The following GNG2 variants were observed in gnomAD, a reference collection of about 807,000 sequenced individuals.
The protein encoded by GNG2 is G protein subunit gamma 2, also known as guanine nucleotide-binding protein G(I)/G(S)/G(O) subunit gamma-2.
GNG2 carries 5 observed loss-of-function variants against 5.5 expected under a neutral mutation model. The ratio of observed to expected loss-of-function variants is 0.91; its 90% CI spans 0.48 to 1.92. The LOEUF (loss-of-function observed/expected upper bound fraction) is 1.92, where lower values mean the gene tolerates loss of function less well. GNG2 is among the 30% of genes most tolerant of loss of function. The pLI is 0.01. For missense variants in GNG2, 55 were observed against 88.4 expected (o/e 0.62, Z 1.52); for synonymous variants, 28 against 32.0 (o/e 0.88, Z 0.42).
At chr14:51,880,967 G>GAAAAAAAAAAAAAAAAA (rs11463019) in intron 2 of GNG2, among the ~76,000 whole-genome samples, 4 of 101,984 alleles carry the variant, frequency 3.9e-5, no homozygotes, top group Admixed American at 1.1e-4. Flanking sequence ...CAAAAAAAAA[G>GAAAAAAAAAAAAAAAAA]AAAAAAAAAA....
intron 1 of GNG2, among the ~76,000 whole-genome samples, chr14:51,877,118 T>G (rs12889322): frequency 0.1 from 15,765 of 152,116 alleles, 1,460 homozygotes; most frequent in African/African-American, 0.25. Context: ...GATACTCTTA[T>G]AACCACCAAC....
At chr14:51,947,854 G>A (rs1888730453) in intron 2 of GNG2, among the ~76,000 whole-genome samples, 2 of 152,172 alleles carry the variant, frequency 1.3e-5, no homozygotes, top group Admixed American at 6.5e-5. Flanking sequence ...TCAGTTAATA[G>A]CAGGTCTGTT....
At chr14:51,907,150 C>T (rs530707344) in intron 2 of GNG2, among the ~76,000 whole-genome samples, 13 of 152,264 alleles carry the variant, frequency 8.5e-5, no homozygotes, top group African/African-American at 3.1e-4. Context: ...AGGCTGACAG[C>T]CACTGCCAAG....
chr14:51,921,966 A>T (rs1887038513), intron 2 of GNG2, among the ~76,000 whole-genome samples: 1 of 152,170 alleles, frequency 6.6e-6, no homozygotes, highest in African/African-American at 2.4e-5. Context: ...TGAAACTATC[A>T]TTTTGTTCCT....
intron 2 of GNG2, among the ~76,000 whole-genome samples, chr14:51,829,666 G>T (rs1881128134): frequency 6.6e-6 from 1 of 151,904 alleles, no homozygotes; most frequent in South Asian, 2.1e-4. Context: ...AATCTACACT[G>T]TCCCCAATTC....
At chr14:51,844,003 A>G (rs189081706) in intron 2 of GNG2, among the ~76,000 whole-genome samples, 1 of 152,314 alleles carries the variant, frequency 6.6e-6, no homozygotes, top group Admixed American at 6.5e-5. Flanking sequence ...CTGGTGACTC[A>G]GGCAAAGGAA....
At chr14:51,955,331 C>G (rs954296895) in intron 3 of GNG2, among the ~76,000 whole-genome samples, 11 of 152,118 alleles carry the variant, frequency 7.2e-5, no homozygotes, top group African/African-American at 2.4e-4. Flanking sequence ...AATCTTATTC[C>G]TCCTTTAGGG....
intron 2 of GNG2, among the ~76,000 whole-genome samples, chr14:51,835,831 T>C (rs1881313991): frequency 6.6e-6 from 1 of 152,092 alleles, no homozygotes; most frequent in Non-Finnish European, 1.5e-5. Context: ...ATTAGTCTTA[T>C]TACTAATTTT....
intron 2 of GNG2, among the ~76,000 whole-genome samples, chr14:51,934,065 T>C (rs764222037): frequency 2.6e-5 from 4 of 152,182 alleles, no homozygotes; most frequent in Admixed American, 6.5e-5. Flanking sequence ...CCGACCAGGA[T>C]TGGGGATTTT....
At chr14:51,876,151 C>A (rs1056215214) in intron 1 of GNG2, among the ~76,000 whole-genome samples, 1 of 152,108 alleles carries the variant, frequency 6.6e-6, no homozygotes, top group Non-Finnish European at 1.5e-5. Context: ...GTTGCCCAGG[C>A]TGGTCTCAAA....
At chr14:51,911,438 T>C in intron 2 of GNG2, among the ~76,000 whole-genome samples, 1 of 152,138 alleles carries the variant, frequency 6.6e-6, no homozygotes, top group African/African-American at 2.4e-5. Flanking sequence ...ACCCATTGCC[T>C]GAGTTCAAAT....
chr14:51,959,337 C>T (rs1258269252), intron 3 of GNG2, among the ~76,000 whole-genome samples: 1 of 152,126 alleles, frequency 6.6e-6, no homozygotes, highest in Admixed American at 6.6e-5. Context: ...TTGATCTTCA[C>T]CCCCAAAAGT....
intron 2 of GNG2, among the ~76,000 whole-genome samples, chr14:51,895,705 T>C (rs996752401): frequency 8.5e-5 from 13 of 152,252 alleles, no homozygotes; most frequent in African/African-American, 3.1e-4. Flanking sequence ...CCCACTGATA[T>C]GGTTTGGCTA....
chr14:51,910,688 C>T (rs541069891), intron 2 of GNG2, among the ~76,000 whole-genome samples: 1 of 152,284 alleles, frequency 6.6e-6, no homozygotes, highest in East Asian at 1.9e-4. Flanking sequence ...TACTTTTACC[C>T]TCATGGACTT....
At chr14:51,931,607 G>A (rs1286065178) in intron 2 of GNG2, among the ~76,000 whole-genome samples, 2 of 152,140 alleles carry the variant, frequency 1.3e-5, no homozygotes, top group Non-Finnish European at 2.9e-5. Context: ...GAGACCTGGG[G>A]ATCAGGGAGA....
chr14:51,922,437 T>G (rs1373583946), intron 2 of GNG2, among the ~76,000 whole-genome samples: 1 of 152,142 alleles, frequency 6.6e-6, no homozygotes, highest in Non-Finnish European at 1.5e-5. Flanking sequence ...CTCCCTCTTT[T>G]GGGGATGGTG....
At chr14:51,953,885 A>G (rs971622072) in intron 3 of GNG2, among the ~76,000 whole-genome samples, 7 of 152,164 alleles carry the variant, frequency 4.6e-5, no homozygotes, top group African/African-American at 1.7e-4. Flanking sequence ...TTTTCCAGTG[A>G]GAGTAGTGAC....
chr14:51,909,531 G>A (rs1886162610), intron 2 of GNG2, among the ~76,000 whole-genome samples: 2 of 152,206 alleles, frequency 1.3e-5, no homozygotes, highest in South Asian at 4.1e-4. Context: ...GTTGTACTTG[G>A]CAGAGGAGTT....
chr14:51,828,005 A>G (rs1164367660), intron 2 of GNG2, among the ~76,000 whole-genome samples: 1 of 152,102 alleles, frequency 6.6e-6, no homozygotes, highest in African/African-American at 2.4e-5. Context: ...CGGTTGGGGG[A>G]AGGCAAGCAC....
Sources: allele counts gnomAD v4.1 joint callset (sites outside exome capture counted in the v4.1 genomes callset), GRCh38; gene constraint gnomAD v4.1.1; transcripts MANE v1.5; gene names NCBI Gene and HGNC (gene_info 2026-07-23, HGNC 2026-07-21).